Variants in ADORA2B observed in about 807,000 individuals in gnomAD.
The protein encoded by ADORA2B is adenosine A2b receptor, also known as adenosine receptor A2b.
A neutral mutation model predicts 20.8 loss-of-function variants in ADORA2B; 18 were observed. That is an observed-to-expected ratio of 0.87 (90% CI 0.60 to 1.29). The LOEUF is 1.29. Among genes scored for constraint, ADORA2B ranks in the 50% most tolerant of loss-of-function variants. ADORA2B has a pLI of 0.00. For missense variants in ADORA2B, 441 were observed against 422.7 expected (o/e 1.04, Z -0.38); for synonymous variants, 179 against 178.3 (o/e 1.00, Z -0.03).
At chr17:15,968,927 T>G (rs1431170311) in intron 1 of ADORA2B, among the ~76,000 whole-genome samples, 1 of 151,910 alleles carries the variant, frequency 6.6e-6, no homozygotes, top group African/African-American at 2.4e-5. Context: ...AAACTTGGGG[T>G]TTGGTTGTGC....
At chr17:15,917,691 G>A in the ADORA2B span, among the ~76,000 whole-genome samples, 10 of 152,352 alleles carry the variant, frequency 6.6e-5, no homozygotes, top group East Asian at 1.9e-3. Context: ...CGCCGGTGAC[G>A]GGGGCTCTGC....
chr17:15,868,802 C>G, the ADORA2B span, among the ~76,000 whole-genome samples: 1 of 150,134 alleles, frequency 6.7e-6, no homozygotes, highest in East Asian at 2.0e-4. Flanking sequence ...ACAAAAAAAC[C>G]CCACCAAATA....
At chr17:15,885,365 A>G in the ADORA2B span, among the ~76,000 whole-genome samples, 1 of 152,192 alleles carries the variant, frequency 6.6e-6, no homozygotes, top group Non-Finnish European at 1.5e-5. Context: ...CATAGACAGA[A>G]GGTTGTAAAA....
At chr17:15,953,858 C>A (rs1246718023) in intron 1 of ADORA2B, among the ~76,000 whole-genome samples, 1 of 152,232 alleles carries the variant, frequency 6.6e-6, no homozygotes, top group African/African-American at 2.4e-5. Context: ...TCTTGGATCT[C>A]TGCTTTCCTA....
chr17:15,932,068 T>C, the ADORA2B span, among the ~76,000 whole-genome samples: 1 of 152,262 alleles, frequency 6.6e-6, no homozygotes. Flanking sequence ...GATTTGCAAA[T>C]ATTTTCTCCC....
chr17:15,902,262 A>G, the ADORA2B span, among the ~76,000 whole-genome samples: 1 of 151,132 alleles, frequency 6.6e-6, no homozygotes, highest in Non-Finnish European at 1.5e-5. Flanking sequence ...TCCAGGCTGG[A>G]GTGCAGTGGC....
chr17:15,854,042 G>A, the ADORA2B span, among the ~76,000 whole-genome samples: 1 of 152,122 alleles, frequency 6.6e-6, no homozygotes, highest in Admixed American at 6.5e-5. Context: ...CGCAACCTCC[G>A]CCTCCCAAGT....
intron 1 of ADORA2B, among the ~76,000 whole-genome samples, chr17:15,946,242 C>T (rs1004770313): frequency 2.0e-5 from 3 of 152,228 alleles, no homozygotes; most frequent in Admixed American, 6.5e-5. Flanking sequence ...AATGCTTCCT[C>T]GTGTCTGGCA....
chr17:15,968,380 GTACATACGGTGAGGTGACTATACA>G (rs2151607697), intron 1 of ADORA2B, among the ~76,000 whole-genome samples: 1 of 152,326 alleles, frequency 6.6e-6, no homozygotes, highest in South Asian at 2.1e-4. Flanking sequence ...CCCCCTGTGT[GTACATACGGTGAGGTGACTATACA>G]TACATACCAT....
the ADORA2B span, among the ~76,000 whole-genome samples, chr17:15,879,904 TAA>T: frequency 7.2e-6 from 1 of 138,876 alleles, no homozygotes. Context: ...CTTGAAACTT[TAA>T]AAAAAAAAAA....
At chr17:15,930,381 C>T in the ADORA2B span, among the ~76,000 whole-genome samples, 4 of 151,482 alleles carry the variant, frequency 2.6e-5, no homozygotes, top group East Asian at 5.8e-4. Context: ...ACTGCAGCCT[C>T]CGCCTCCCAG....
intron 1 of ADORA2B, among the ~76,000 whole-genome samples, chr17:15,959,494 A>ATTTT (rs56097835): frequency 3.9e-5 from 3 of 75,950 alleles, no homozygotes; most frequent in African/African-American, 1.3e-4. Flanking sequence ...TCACATTCTG[A>ATTTT]TTTTTTTTTT....
chr17:15,905,819 C>T, the ADORA2B span, among the ~76,000 whole-genome samples: 16 of 151,800 alleles, frequency 1.1e-4, no homozygotes, highest in Non-Finnish European at 2.4e-4. Context: ...CCATGCCCAG[C>T]TAATTTTTGT....
In ADORA2B at chr17:15,952,166, A is replaced by G. The variant is rs190409484; in HGVS notation, c.335+6583A>G. Among the ~76,000 whole-genome samples, 576 of 152,330 alleles carry G rather than the reference A, an allele frequency of 3.8e-3. 2 individuals carry two copies. The highest frequency in any genetic ancestry group is 4.9e-3 in the Non-Finnish European group (330 of 68,022). ...CTTTCTCGGTGACCACGTGCAGGGC[A>G]GGACCCAATCCCTGTATCTCACTCT... On this transcript the variant is annotated intron_variant, in intron 1 of 1. Coordinates refer to ENST00000304222, the MANE Select transcript of ADORA2B (RefSeq NM_000676.4).
At chr17:15,954,682 G>A (rs1397209459) in intron 1 of ADORA2B, among the ~76,000 whole-genome samples, 4 of 152,168 alleles carry the variant, frequency 2.6e-5, no homozygotes, top group Non-Finnish European at 5.9e-5. Flanking sequence ...CAGGAGGATC[G>A]CTTGAGCCCA....
chr17:15,959,103 A>C (rs1405256169), intron 1 of ADORA2B, among the ~76,000 whole-genome samples: 1 of 152,190 alleles, frequency 6.6e-6, no homozygotes, highest in Non-Finnish European at 1.5e-5. Flanking sequence ...AGATAGGAGA[A>C]ACTGAAGAGG....
chr17:15,968,263 T>G (rs140106672), intron 1 of ADORA2B, among the ~76,000 whole-genome samples: 44 of 152,218 alleles, frequency 2.9e-4, no homozygotes, highest in African/African-American at 9.6e-4. Flanking sequence ...CAAACATGAC[T>G]GAAAATGCAG....
intron 1 of ADORA2B, among the ~76,000 whole-genome samples, chr17:15,965,081 C>T (rs1447595357): frequency 1.3e-5 from 2 of 152,096 alleles, no homozygotes; most frequent in African/African-American, 4.8e-5. Context: ...AACAAAATTT[C>T]ATAGTTTGAT....
chr17:15,964,191 A>G (rs1252955518), intron 1 of ADORA2B, among the ~76,000 whole-genome samples: 2 of 152,204 alleles, frequency 1.3e-5, no homozygotes, highest in Non-Finnish European at 2.9e-5. Flanking sequence ...AGTAAAATCT[A>G]ATAGTATCTA....
Sources: gnomAD v4.1 joint callset for allele counts (sites outside exome capture counted in the v4.1 genomes callset) on GRCh38, gnomAD v4.1.1 for gene constraint, MANE v1.5 for transcripts, NCBI Gene and HGNC (gene_info 2026-07-23, HGNC 2026-07-21) for gene names.